AOPEP: variants seen among roughly 807,000 people sequenced by gnomAD.
AOPEP encodes aminopeptidase O.
AOPEP carries 77 observed loss-of-function variants against 98.1 expected under a neutral mutation model. That is an observed-to-expected ratio of 0.78 (90% CI 0.65 to 0.95). The LOEUF (loss-of-function observed/expected upper bound fraction) is 0.95. Among genes scored for constraint, AOPEP ranks in the 40% least tolerant of loss-of-function variants. The pLI, the probability that AOPEP is intolerant of heterozygous loss-of-function variation, is 0.00. For synonymous variants in AOPEP, 346 were observed against 365.3 expected (o/e 0.95, Z 0.60); for missense variants, 1,024 against 1,024.7 (o/e 1.00, Z 0.01).
intron 13 of AOPEP, among the ~76,000 whole-genome samples, chr9:95,038,451 A>T (rs1335616041): frequency 6.6e-6 from 1 of 152,234 alleles, no homozygotes; most frequent in Non-Finnish European, 1.5e-5. Context: ...AAGCCTAATG[A>T]TATAAACCAT....
At chr9:94,822,771 G>A (rs1260184930) in intron 5 of AOPEP, among the ~76,000 whole-genome samples, 3 of 152,126 alleles carry the variant, frequency 2.0e-5, no homozygotes, top group South Asian at 2.1e-4. Flanking sequence ...CTCGTGTTGC[G>A]CTGAGTACAT....
intron 1 of AOPEP, among the ~76,000 whole-genome samples, chr9:94,748,043 G>A (rs1834910110): frequency 6.6e-6 from 1 of 152,088 alleles, no homozygotes; most frequent in African/African-American, 2.4e-5. Flanking sequence ...CCAAGAATGG[G>A]CTGCCATTTT....
At chr9:94,730,563 A>G (rs571917566) in intron 1 of AOPEP, among the ~76,000 whole-genome samples, 4 of 152,316 alleles carry the variant, frequency 2.6e-5, no homozygotes, top group South Asian at 4.1e-4. Flanking sequence ...ATGCTATTTG[A>G]GAATAAACCT....
intron 5 of AOPEP, among the ~76,000 whole-genome samples, chr9:94,821,526 A>G (rs776092138): frequency 6.0e-4 from 91 of 152,306 alleles, no homozygotes; most frequent in Middle Eastern, 3.4e-3. Context: ...ACATGACAGA[A>G]AGGGAAGTGG....
intron 9 of AOPEP, among the ~76,000 whole-genome samples, chr9:94,964,853 C>A (rs1347555047): frequency 1.3e-5 from 2 of 151,868 alleles, no homozygotes; most frequent in East Asian, 1.9e-4. Flanking sequence ...GTTGGCCAGG[C>A]TGGTCTCGAA....
chr9:94,797,595 C>G (rs984875218), intron 4 of AOPEP, among the ~76,000 whole-genome samples: 1 of 151,906 alleles, frequency 6.6e-6, no homozygotes, highest in Admixed American at 6.6e-5. Flanking sequence ...TACAACAAAA[C>G]GTGCAGATCT....
intron 1 of AOPEP, among the ~76,000 whole-genome samples, chr9:94,737,895 T>G (rs1244845615): frequency 6.6e-6 from 1 of 152,186 alleles, no homozygotes; most frequent in Non-Finnish European, 1.5e-5. Context: ...TGCTCTGTGC[T>G]TTAAACTGCC....
chr9:95,101,712 C>A, the AOPEP span: 6 of 1,613,980 alleles, frequency 3.7e-6, no homozygotes, highest in Admixed American at 1.0e-4. Context: ...GCCTTCTAGA[C>A]TTGAGTTCGC....
chr9:94,895,551 T>C (rs1320969431), intron 5 of AOPEP, among the ~76,000 whole-genome samples: 1 of 152,126 alleles, frequency 6.6e-6, no homozygotes, highest in Non-Finnish European at 1.5e-5. Context: ...TCTAGACTCA[T>C]GGTTAGTAAA....
intron 3 of AOPEP, among the ~76,000 whole-genome samples, chr9:94,780,221 A>G (rs1842966179): frequency 6.6e-6 from 1 of 152,230 alleles, no homozygotes. Flanking sequence ...TTTTACAGAA[A>G]AAAGTTTTCT....
rs1404321165 is a variant in AOPEP at position 94,760,132 on chromosome 9, G to A, written c.349G>A (p.Asp117Asn). 1 of 1,614,198 alleles carries A rather than the reference G, an allele frequency of 6.2e-7. No individual in the cohort carries two copies. The highest frequency in any genetic ancestry group is 1.7e-5 in the Admixed American group (1 of 60,028). ...TACTTCTGATAAAGATGGTAACCAT[G>A]ACAACCAGGAACATGCTTCTGGGAT... ...KDTSDKDGNH[D>N]NQEHASGISS... Residue 117 changes from aspartate to asparagine, a missense_variant, in exon 2 of 17, where the codon GAC (aspartate) becomes AAC (asparagine). This residue lies in a region of AOPEP where 440 missense variants were observed against 433.8 expected (regional missense o/e 1.01). Transcript: ENST00000375315.
In AOPEP at chr9:94,871,899, C is replaced by T. The variant is rs141649706; in HGVS notation, c.1365-52087C>T. On this transcript the variant is annotated intron_variant, in intron 5 of 16. Transcript: ENST00000375315. ...GTGTGTGCTTGTAGTCCCAGCTACT[C>T]GGGAGGCTGAGGTGGGAGGATCATC... 7.2e-3 allele frequency among the ~76,000 whole-genome samples: 1,094 copies of T among 152,054 alleles called. 5 individuals are homozygous for T. The highest frequency in any genetic ancestry group is 0.012 in the Non-Finnish European group (824 of 67,988).
chr9:94,831,524 C>G (rs568077340), intron 5 of AOPEP, among the ~76,000 whole-genome samples: 1 of 152,172 alleles, frequency 6.6e-6, no homozygotes, highest in South Asian at 2.1e-4. Context: ...TTAGGATTGT[C>G]TTGGCTATAT....
intron 13 of AOPEP, among the ~76,000 whole-genome samples, chr9:95,028,132 G>A (rs1167685171): frequency 6.6e-6 from 1 of 152,216 alleles, no homozygotes; most frequent in Admixed American, 6.5e-5. Context: ...CAGGTGCCCA[G>A]TGCCAGAAGT....
At chr9:95,048,680 C>A (rs1367775189) in intron 13 of AOPEP, 1 of 152,168 alleles carries the variant, frequency 6.6e-6, no homozygotes, top group Non-Finnish European at 1.5e-5. Flanking sequence ...CTGCTATGTC[C>A]CTCGGGCGCG....
rs979112877 is a variant in AOPEP at position 94,786,880 on chromosome 9, C to T, written c.965-5885C>T. Reference sequence around the variant, plus strand: ...TTTGGCCCAGCCAATTGATCTGCCCCGATTTGACTGTCACTTGGTAGCCAA... The same window carrying T: ...TTTGGCCCAGCCAATTGATCTGCCCTGATTTGACTGTCACTTGGTAGCCAA... On this transcript the variant is annotated intron_variant, in intron 3 of 16. Transcript: ENST00000375315. Among the ~76,000 whole-genome samples, 9 of 152,086 alleles carry T rather than the reference C, an allele frequency of 5.9e-5. No individual in the cohort carries two copies. The South Asian group carries it at 6.2e-4, about 11-fold the overall frequency.
chr9:95,014,454 A>T (rs761272512), intron 13 of AOPEP, among the ~76,000 whole-genome samples: 15 of 152,046 alleles, frequency 9.9e-5, no homozygotes, highest in Non-Finnish European at 5.9e-5. Flanking sequence ...CCTGGGTGAC[A>T]GAGCAAGACC....
intron 5 of AOPEP, among the ~76,000 whole-genome samples, chr9:94,845,072 G>T: frequency 6.6e-6 from 1 of 152,212 alleles, no homozygotes; most frequent in Admixed American, 6.5e-5. Flanking sequence ...AGTTCTGCTA[G>T]GGGAGACAAA....
chr9:95,139,908 GA>G, the AOPEP span, among the ~76,000 whole-genome samples: 10 of 147,922 alleles, frequency 6.8e-5, no homozygotes, highest in South Asian at 6.4e-4. Flanking sequence ...AAGTAAAAAA[GA>G]AAAAAATGTT....
Sources: allele counts gnomAD v4.1 joint callset (sites outside exome capture counted in the v4.1 genomes callset), GRCh38; gene constraint gnomAD v4.1.1; regional missense constraint gnomAD v4.1.1; transcripts MANE v1.5; gene names NCBI Gene and HGNC (gene_info 2026-07-23, HGNC 2026-07-21).